The following CAPN12 variants were observed in gnomAD, a reference collection of about 807,000 sequenced individuals.
CAPN12 encodes calpain 12.
CAPN12 carries 107 observed loss-of-function variants against 95.0 expected under a neutral mutation model. The observed-to-expected ratio is 1.13, with a 90% confidence interval of 0.96 to 1.32. The LOEUF (loss-of-function observed/expected upper bound fraction) is 1.32, where lower values mean the gene tolerates loss of function less well. Among genes scored for constraint, CAPN12 ranks in the 40% most tolerant of loss-of-function variants. CAPN12 has a pLI of 0.00. For synonymous variants in CAPN12, 505 were observed against 415.5 expected (o/e 1.22, Z -2.62); for missense variants, 1,136 against 997.8 (o/e 1.14, Z -1.87).
rs1480934605 is a variant in CAPN12 at position 38,743,941 on chromosome 19, C to A, written c.225G>T (p.Trp75Cys). The part of the protein sequence containing the change: ...PDSEKAKGVK[W>C]MRPHEFCAEP... ...AGCCACACTTTACATGGGGCCTCAT[C>A]CATTTCACGCCTTTGGCCTTCTCCG... Residue 75 changes from tryptophan (W) to cysteine (C), a missense_variant, in exon 1 of 21, where the codon TGG (tryptophan) becomes TGT (cysteine). By Grantham distance (215) the Trp-to-Cys change is radical (BLOSUM62 -2). Coordinates refer to ENST00000328867, the MANE Select transcript of CAPN12 (RefSeq NM_144691.4). 2 of 1,614,052 alleles carry A rather than the reference C, an allele frequency of 1.2e-6. No individual in the cohort carries two copies. Among genetic ancestry groups the A allele is most frequent in the African/African-American group, 2.7e-5 (2 of 74,940 alleles).
At position 38,734,041 on chromosome 19, in the gene CAPN12, A is replaced by G. The variant is rs1035243874; in HGVS notation, c.1878+101T>C. The G allele has an allele frequency of 4.2e-5, 54 of 1,300,240 alleles. No homozygotes were observed. In the African/African-American group the frequency reaches 6.9e-4, roughly 17 times the overall value. The allele number at this position is 1,300,240 out of a possible 1,614,324, so 80.5% of individuals were successfully genotyped here. ...TCTCTCCAAGTCAGCCTAGTCCAGTACCCCCTCGTTCCCTGGGGACCTGAT... is the reference window on the plus strand; with the variant it reads ...TCTCTCCAAGTCAGCCTAGTCCAGTGCCCCCTCGTTCCCTGGGGACCTGAT... On this transcript the variant is annotated intron_variant, in intron 17 of 20. Transcript: ENST00000328867.
rs570832507 is a variant in CAPN12, at chr19:38,734,987, G to T, written c.1687-117C>A. 51 of 920,876 alleles carry T rather than the reference G, an allele frequency of 5.5e-5. No individual in the cohort carries two copies. The Admixed American group carries it at 8.0e-4, about 15-fold the overall frequency. The allele number at this position is 920,876 out of a possible 1,614,324, so 57.0% of individuals were successfully genotyped here. On this transcript the variant is annotated intron_variant, in intron 14 of 20. Coordinates refer to ENST00000328867, the MANE Select transcript of CAPN12 (RefSeq NM_144691.4). Reference sequence around the variant, plus strand: ...GCCTCAGAGCCCTAGCTCCAGGAGTGGGGGAGACAGACCTGTCCCCACAGG... The same window carrying T: ...GCCTCAGAGCCCTAGCTCCAGGAGTTGGGGAGACAGACCTGTCCCCACAGG...
At chr19:38,736,678 G>A in intron 10 of CAPN12, 115 bp from the exon 11 acceptor site, 1 of 1,287,214 alleles carries the variant, frequency 7.8e-7, no homozygotes, top group Non-Finnish European at 1.1e-6. Flanking sequence ...CGTCCTATTA[G>A]ACCCTTATTG....
rs750006478 is a variant in CAPN12, at chr19:38,738,370, G to A, written c.891-23C>T. 3.1e-6 allele frequency: 5 copies of A among 1,611,656 alleles called. No individual in the cohort carries two copies. In the East Asian group the frequency reaches 8.9e-5, roughly 29 times the overall value. Reference sequence around the variant, plus strand: ...CAGCTGGAGAGACTGTGGTGTGAGGGGCGGGCAGGTGGGGTCCAGCCCCAC... The same window carrying A: ...CAGCTGGAGAGACTGTGGTGTGAGGAGCGGGCAGGTGGGGTCCAGCCCCAC... On this transcript the variant is annotated intron_variant, in intron 7 of 20. Coordinates refer to ENST00000328867, the MANE Select transcript of CAPN12 (RefSeq NM_144691.4).
intron 12 of CAPN12, 129 bp from the exon 13 acceptor site, chr19:38,735,673 G>A: frequency 4.9e-6 from 1 of 203,634 alleles, no homozygotes; most frequent in Non-Finnish European, 7.6e-6. Flanking sequence ...TCATCCTCGC[G>A]GGGCGGGGGT....
chr19:38,730,852 C>G lies in CAPN12; in HGVS notation c.2160G>C (p.Ter720TyrextTer77). Residue 720 changes from the stop codon to tyrosine, a stop_lost, in exon 21 of 21, where the codon TAG becomes TAC. Transcript: ENST00000328867. The stretch of plus-strand genomic sequence containing the variant: ...CAGCAGGTGCGCCCATCCGGAGATC[C>G]TAGGAGAAGGTGGCCACCTCCATCC... ...RQWMEVATFS[*>Y] The G allele has an allele frequency of 1.3e-6, 2 of 1,551,150 alleles. No individual in the cohort carries two copies. The highest frequency in any genetic ancestry group is 1.7e-6 in the Non-Finnish European group (2 of 1,147,276).
In CAPN12 at chr19:38,737,167, G is replaced by A. The variant is rs1218502810; in HGVS notation, c.1351C>T (p.His451Tyr). The A allele has an allele frequency of 5.8e-6, 9 of 1,545,868 alleles. No homozygotes were observed. Among genetic ancestry groups the A allele is most frequent in the Admixed American group, 3.9e-5 (2 of 50,732 alleles). Residue 451 changes from histidine to tyrosine, a missense_variant, in exon 10 of 21, where the codon CAC (histidine) becomes TAC (tyrosine). By Grantham distance (83) the His-to-Tyr change is moderately conservative. Transcript: ENST00000328867. ...KGLTYLTVGFHVFQIPEELLG... is the reference protein window; with the variant it reads ...KGLTYLTVGFYVFQIPEELLG... ...GCCCAGGACCTCACCTGGAACACGT[G>A]GAAGCCAACGGTGAGGTAAGTGAGG...
chr19:38,740,239 G>C lies in CAPN12; in HGVS notation c.561-20C>G. 1 of 1,581,414 alleles carries C rather than the reference G, an allele frequency of 6.3e-7. No individual in the cohort carries two copies. The highest frequency in any genetic ancestry group is 8.6e-7 in the Non-Finnish European group (1 of 1,163,578). ...TGGAGCCTGTGGGGGCAGATCTGGG[G>C]TGAGGGTTGAGGCAAGTACAAGCGT... On this transcript the variant is annotated intron_variant, in intron 4 of 20. Coordinates refer to ENST00000328867, the MANE Select transcript of CAPN12 (RefSeq NM_144691.4).
intron 3 of CAPN12, chr19:38,742,167 TAAG>T: frequency 1.6e-6 from 1 of 617,886 alleles, no homozygotes; most frequent in Non-Finnish European, 2.8e-6. Context: ...CTACTAAAAA[TAAG>T]AAAAAATTAG....
chr19:38,741,699 G>A, intron 4 of CAPN12, 78 bp downstream of exon 4: 1 of 1,559,930 alleles, frequency 6.4e-7, no homozygotes, highest in Non-Finnish European at 8.7e-7. Context: ...CAGAGCTTGG[G>A]GGACTCTGGG....
At chr19:38,740,307 A>C in intron 4 of CAPN12, 88 bp from the exon 5 acceptor site, 1 of 1,312,890 alleles carries the variant, frequency 7.6e-7, no homozygotes, top group Non-Finnish European at 1.0e-6. Flanking sequence ...CCTGTGTCTC[A>C]GGGTGTGGAA....
chr19:38,737,601 C>G lies in CAPN12; in HGVS notation c.1003G>C (p.Val335Leu). ...TCCGGGCTCAGCGAGCAGATCTGCA[C>G]GGTGTCGAAATGGAGGAGGAAGTCC... is the stretch of plus-strand genomic sequence containing the variant. ...LRDFLLHFDTVQICSLSPEVL... is the reference protein window; with the variant it reads ...LRDFLLHFDTLQICSLSPEVL... The change falls in exon 9 of 21, where the codon GTG (valine) becomes CTG (leucine). Residue 335 changes from valine to leucine, a missense_variant. Physicochemically the swap from Val to Leu is conservative, Grantham distance 32. Coordinates refer to ENST00000328867, the MANE Select transcript of CAPN12 (RefSeq NM_144691.4). 6.2e-7 allele frequency: 1 copy of G among 1,610,766 alleles called. No individual in the cohort carries two copies. Among genetic ancestry groups the G allele is most frequent in the Non-Finnish European group, 8.5e-7 (1 of 1,178,878 alleles).
rs530931414 is a variant in CAPN12, at chr19:38,734,935, G to A, written c.1687-65C>T. The A allele has an allele frequency of 4.9e-5, 74 of 1,513,618 alleles. No homozygotes were observed. In the South Asian group the frequency reaches 8.2e-4, roughly 17 times the overall value. The allele number at this position is 1,513,618 out of a possible 1,614,324, so 93.8% of individuals were successfully genotyped here. Reference sequence around the variant, plus strand: ...CCAGCTGCTCTGGGCCAAGCCCTGTGCTAGGGACACGGCAGGGGCTGACAG... The same window carrying A: ...CCAGCTGCTCTGGGCCAAGCCCTGTACTAGGGACACGGCAGGGGCTGACAG... On this transcript the variant is annotated intron_variant, in intron 14 of 20. Coordinates refer to ENST00000328867, the MANE Select transcript of CAPN12 (RefSeq NM_144691.4).
chr19:38,735,346 C>T (rs374353914), intron 14 of CAPN12, 24 bp downstream of exon 14: 3 of 1,546,398 alleles, frequency 1.9e-6, no homozygotes, highest in African/African-American at 1.4e-5. Flanking sequence ...CGGGATACCC[C>T]CTCAGTCCAA....
At chr19:38,737,424 G>T in intron 9 of CAPN12, 36 bp from the exon 10 acceptor site, 1 of 1,609,798 alleles carries the variant, frequency 6.2e-7, no homozygotes, top group Non-Finnish European at 8.5e-7. Flanking sequence ...TTCCTAGCCG[G>T]CCACAGCGCC....
At chr19:38,736,669 G>T in intron 10 of CAPN12, 106 bp from the exon 11 acceptor site, 1 of 1,342,290 alleles carries the variant, frequency 7.4e-7, no homozygotes, top group Non-Finnish European at 1.0e-6. Flanking sequence ...CTCCTTCTTC[G>T]TCCTATTAGA....
Position 38,730,430 on chromosome 19 carries a change from C to CTTT in CAPN12, c.*419_*421dup, listed in dbSNP as rs1202093647. 2.8e-5 allele frequency: 5 copies of CTTT among 176,022 alleles called. No individual in the cohort carries two copies. In the South Asian group the frequency reaches 4.7e-4, roughly 16 times the overall value. The allele number at this position is 176,022 out of a possible 1,614,324, so 10.9% of individuals were successfully genotyped here. ...TGGTTGATGGTTTTGCTCCCCCTAC[C>CTTT]TTTTTTTTTTGAGTTTATTCTGATT... On this transcript the variant is annotated 3_prime_UTR_variant, in exon 21 of 21. Transcript: ENST00000328867.
chr19:38,731,795 TC>T (rs1280510006), intron 18 of CAPN12, among the ~76,000 whole-genome samples: 3 of 152,210 alleles, frequency 2.0e-5, no homozygotes, highest in African/African-American at 7.2e-5. Context: ...TTCTGCTGCT[TC>T]CAAAGCCCAT....
rs752907166 is a variant in CAPN12 at position 38,740,203 on chromosome 19, C to G, written c.577G>C (p.Glu193Gln). ...TTCATGTGGCCGCCCCGCATCACCTCATAGGAGCCGTGGAGCCTGTGGGGG... is the reference window on the plus strand; with the variant it reads ...TTCATGTGGCCGCCCCGCATCACCTGATAGGAGCCGTGGAGCCTGTGGGGG... ...KAYAKLHGSY[E>Q]VMRGGHMNEA... The change falls in exon 5 of 21, where the codon GAG (glutamate) becomes CAG (glutamine). Residue 193 changes from glutamate to glutamine, a missense_variant. Coordinates refer to ENST00000328867, the MANE Select transcript of CAPN12 (RefSeq NM_144691.4). 8 of 1,608,696 alleles carry G rather than the reference C, an allele frequency of 5.0e-6. No individual in the cohort carries two copies. Among genetic ancestry groups the G allele is most frequent in the East Asian group, 2.2e-5 (1 of 44,562 alleles).
Sources: allele counts gnomAD v4.1 joint callset (sites outside exome capture counted in the v4.1 genomes callset), GRCh38; gene constraint gnomAD v4.1.1; transcripts MANE v1.5; gene names NCBI Gene and HGNC (gene_info 2026-07-23, HGNC 2026-07-21).